The following GRM1 variants were observed in gnomAD, a reference collection of about 807,000 sequenced individuals.
GRM1 encodes the protein glutamate metabotropic receptor 1, also known as metabotropic glutamate receptor 1.
GRM1 carries 33 observed loss-of-function variants against 90.9 expected under a neutral mutation model. That is an observed-to-expected ratio of 0.36 (90% CI 0.28 to 0.49). The LOEUF (loss-of-function observed/expected upper bound fraction) is 0.49, where lower values mean the gene tolerates loss of function less well. GRM1 is among the 20% of genes least tolerant of loss of function. The probability of loss-of-function intolerance (pLI) is 0.99; values close to 1 mark genes in which losing one functional copy is unlikely to be tolerated. For synonymous variants in GRM1, 700 were observed against 613.2 expected, an observed-to-expected ratio of 1.14 and a Z score of -2.09; for missense variants, 1,190 against 1,534.3, an observed-to-expected ratio of 0.78 and a Z score of 3.75.
At chr6:146,058,795 A>T (rs1380979549) in intron 1 of GRM1, among the ~76,000 whole-genome samples, 1 of 152,142 alleles carries the variant, frequency 6.6e-6, no homozygotes, top group African/African-American at 2.4e-5. Context: ...ATTTCACAGC[A>T]TCTTCACCAG....
At chr6:146,185,962 A>G (rs1163812360) in intron 2 of GRM1, among the ~76,000 whole-genome samples, 1 of 151,052 alleles carries the variant, frequency 6.6e-6, no homozygotes, top group African/African-American at 2.4e-5. Context: ...TTTTTTTTAA[A>G]TTTTGAGACA....
At chr6:146,325,944 G>A (rs895915984) in intron 3 of GRM1, among the ~76,000 whole-genome samples, 7 of 152,082 alleles carry the variant, frequency 4.6e-5, no homozygotes, top group African/African-American at 1.7e-4. Context: ...TAGAAAATTA[G>A]TTTTGGCCTT....
At chr6:146,125,464 C>T (rs1408462421) in intron 1 of GRM1, among the ~76,000 whole-genome samples, 2 of 143,814 alleles carry the variant, frequency 1.4e-5, no homozygotes, top group African/African-American at 2.8e-5. Context: ...TCTTTCTCTG[C>T]CCCCCCCTCA....
chr6:146,143,231 C>T (rs142925447), intron 1 of GRM1, among the ~76,000 whole-genome samples: 26 of 152,306 alleles, frequency 1.7e-4, no homozygotes, highest in African/African-American at 5.8e-4. Context: ...ACTTTTCTTC[C>T]ATACCCTAAT....
At chr6:146,287,330 G>T (rs1234257135) in intron 2 of GRM1, among the ~76,000 whole-genome samples, 1 of 152,120 alleles carries the variant, frequency 6.6e-6, no homozygotes, top group Admixed American at 6.5e-5. Context: ...CCTTCTCTGG[G>T]ACCTTTTACT....
intron 1 of GRM1, among the ~76,000 whole-genome samples, chr6:146,148,686 T>C (rs1339555785): frequency 6.6e-6 from 1 of 152,216 alleles, no homozygotes; most frequent in East Asian, 1.9e-4. Flanking sequence ...TACTTCATAG[T>C]ATTGATATTA....
intron 1 of GRM1, among the ~76,000 whole-genome samples, chr6:146,129,693 G>T (rs1225559411): frequency 6.6e-6 from 1 of 152,080 alleles, no homozygotes; most frequent in Non-Finnish European, 1.5e-5. Flanking sequence ...ATTGTTAAAG[G>T]TCCCAAACTC....
chr6:146,043,277 A>C (rs1043695917), intron 1 of GRM1, among the ~76,000 whole-genome samples: 1 of 152,072 alleles, frequency 6.6e-6, no homozygotes, highest in African/African-American at 2.4e-5. Context: ...CAGCCTGGCC[A>C]ACAGAGTGAG....
chr6:146,057,726 CATGT>C (rs1478398997), intron 1 of GRM1, among the ~76,000 whole-genome samples: 4 of 151,920 alleles, frequency 2.6e-5, no homozygotes, highest in Admixed American at 6.6e-5. Context: ...CATTTTAAAC[CATGT>C]CTTATTTCTC....
chr6:146,386,548 A>G (rs11155467), intron 5 of GRM1, among the ~76,000 whole-genome samples: 34,845 of 151,938 alleles, frequency 0.23, 4,747 homozygotes, highest in Middle Eastern at 0.32. Context: ...AGAAAAATAT[A>G]TACTTTTTCT....
intron 2 of GRM1, among the ~76,000 whole-genome samples, chr6:146,228,840 C>A (rs537576287): frequency 6.6e-6 from 1 of 152,246 alleles, no homozygotes; most frequent in African/African-American, 2.4e-5. Flanking sequence ...ATAAATGCGG[C>A]ATCTAAACTT....
chr6:146,184,824 T>C (rs1196425127), intron 2 of GRM1, among the ~76,000 whole-genome samples: 20 of 152,144 alleles, frequency 1.3e-4, no homozygotes, highest in Admixed American at 1.1e-3. Context: ...CTCTTTAACA[T>C]AGAGACAGGA....
rs1782567653 is a variant in GRM1 at position 146,281,531 on chromosome 6, A to G, written c.951-23080A>G. ...CAAAGGACAAAATGTGATAATAAGT[A>G]TTAAAGCAATTTGAAATAGTTTTAG... On this transcript the variant is annotated intron_variant, in intron 2 of 7. Transcript: ENST00000282753. Among the ~76,000 whole-genome samples, 7 of 152,346 alleles carry G rather than the reference A, an allele frequency of 4.6e-5. No homozygotes were observed. In the South Asian group the frequency reaches 1.4e-3, roughly 32 times the overall value.
At chr6:146,254,193 G>T (rs1781400635) in intron 2 of GRM1, among the ~76,000 whole-genome samples, 1 of 152,182 alleles carries the variant, frequency 6.6e-6, no homozygotes, top group Non-Finnish European at 1.5e-5. Context: ...TCTCATAGCT[G>T]AAACAAACTG....
intron 2 of GRM1, among the ~76,000 whole-genome samples, chr6:146,209,794 T>C (rs534704247): frequency 3.2e-4 from 49 of 152,196 alleles, no homozygotes; most frequent in Non-Finnish European, 1.0e-4. Flanking sequence ...GTGTTACTGA[T>C]GAGTAGTAGA....
intron 2 of GRM1, among the ~76,000 whole-genome samples, chr6:146,227,236 A>G (rs1780273716): frequency 6.6e-6 from 1 of 151,722 alleles, no homozygotes; most frequent in Non-Finnish European, 1.5e-5. Flanking sequence ...ACATACACAC[A>G]CAGACATACA....
At chr6:146,202,500 T>C (rs2114618111) in intron 2 of GRM1, among the ~76,000 whole-genome samples, 1 of 152,332 alleles carries the variant, frequency 6.6e-6, no homozygotes, top group Non-Finnish European at 1.5e-5. Context: ...CAGTGAACAT[T>C]GTGTTAACTT....
chr6:146,306,754 GA>G (rs1219756947), intron 3 of GRM1, among the ~76,000 whole-genome samples: 1 of 152,186 alleles, frequency 6.6e-6, no homozygotes, highest in Non-Finnish European at 1.5e-5. Flanking sequence ...AAGCAAAGTG[GA>G]GAGAAGTGGT....
At chr6:146,357,084 G>A (rs362887) in intron 4 of GRM1, among the ~76,000 whole-genome samples, 4,372 of 152,172 alleles carry the variant, frequency 0.029, 98 homozygotes, top group East Asian at 0.11. Context: ...CCTTAAAAAC[G>A]TTCCAGACTT....
Sources: gnomAD v4.1 joint callset for allele counts (sites outside exome capture counted in the v4.1 genomes callset) on GRCh38, gnomAD v4.1.1 for gene constraint, MANE v1.5 for transcripts, NCBI Gene and HGNC (gene_info 2026-07-23, HGNC 2026-07-21) for gene names.